The following VPS13B variants were observed in gnomAD, a reference collection of about 807,000 sequenced individuals.
VPS13B encodes the protein vacuolar protein sorting 13 homolog B, also known as intermembrane lipid transfer protein VPS13B.
Under a neutral mutation model 426.4 loss-of-function variants are expected in VPS13B, and 285 were observed. The ratio of observed to expected loss-of-function variants is 0.67; its 90% CI spans 0.61 to 0.74. VPS13B has a LOEUF of 0.74. VPS13B is among the 30% of genes least tolerant of loss of function. VPS13B has a pLI of 0.00. For synonymous variants in VPS13B, 1,676 were observed against 1,676.4 expected, an observed-to-expected ratio of 1.00 and a Z score of 0.01; for missense variants, 4,537 against 4,782.6, an observed-to-expected ratio of 0.95 and a Z score of 1.51.
intron 3 of VPS13B, among the ~76,000 whole-genome samples, chr8:99,083,361 G>A (rs537881416): frequency 1.5e-3 from 232 of 152,262 alleles, no homozygotes; most frequent in African/African-American, 5.2e-3. Context: ...TTTTGGGTGA[G>A]ACGATGGGGT....
In VPS13B at chr8:99,135,032, A is replaced by G; in HGVS notation, c.1320A>G (p.Glu440=). Reference sequence around the variant, plus strand: ...TCTTATAGGCCCTTATGATGGGAGAACCTTTCTTTGATTGCCAGATTGGGT... The same window carrying G: ...TCTTATAGGCCCTTATGATGGGAGAGCCTTTCTTTGATTGCCAGATTGGGT... The part of the protein sequence containing the change: ...GTTVEALMMG[E]PFFDCQIGFV... Residue 440 remains glutamate (E), a synonymous_variant, in exon 10 of 62, where the codon GAA becomes GAG. Coordinates refer to ENST00000357162, the MANE Select transcript of VPS13B (RefSeq NM_152564.5). 1 of 1,613,504 alleles carries G rather than the reference A, an allele frequency of 6.2e-7. No homozygotes were observed.
chr8:99,554,817 C>T (rs1444036838), intron 30 of VPS13B, among the ~76,000 whole-genome samples: 3 of 152,036 alleles, frequency 2.0e-5, no homozygotes, highest in South Asian at 2.1e-4. Flanking sequence ...TCCTTCATAC[C>T]CCCACTGTCA....
intron 3 of VPS13B, among the ~76,000 whole-genome samples, chr8:99,082,553 A>T (rs1332507106): frequency 6.6e-6 from 1 of 152,144 alleles, no homozygotes; most frequent in Non-Finnish European, 1.5e-5. Flanking sequence ...TGTGTCCTGA[A>T]TGGTATTGCC....
chr8:99,106,170 G>A (rs1424439203), intron 5 of VPS13B, among the ~76,000 whole-genome samples: 2 of 151,698 alleles, frequency 1.3e-5, no homozygotes, highest in Non-Finnish European at 2.9e-5. Context: ...GGTGGCTCAC[G>A]CCTGTAATCC....
At chr8:99,811,676 G>A (rs1425942474) in intron 44 of VPS13B, among the ~76,000 whole-genome samples, 2 of 152,146 alleles carry the variant, frequency 1.3e-5, no homozygotes, top group African/African-American at 2.4e-5. Context: ...TAGAGAAATG[G>A]TTTTAATGGT....
intron 40 of VPS13B, among the ~76,000 whole-genome samples, chr8:99,772,157 C>G (rs921035077): frequency 2.0e-5 from 3 of 151,932 alleles, no homozygotes; most frequent in Admixed American, 2.0e-4. Flanking sequence ...TACTTATGAG[C>G]TCTCTATGTC....
chr8:99,259,203 T>C (rs533653378), intron 17 of VPS13B, among the ~76,000 whole-genome samples: 1 of 152,238 alleles, frequency 6.6e-6, no homozygotes, highest in Middle Eastern at 3.4e-3. Flanking sequence ...ATGTGTTTAA[T>C]TTCTTTGCAT....
chr8:99,672,960 T>C (rs1040218317), intron 35 of VPS13B, among the ~76,000 whole-genome samples: 21 of 152,126 alleles, frequency 1.4e-4, no homozygotes, highest in Non-Finnish European at 2.5e-4. Context: ...GATCTGCATA[T>C]GTTGATCATA....
At chr8:99,444,832 T>C (rs550032843) in intron 23 of VPS13B, among the ~76,000 whole-genome samples, 52 of 152,244 alleles carry the variant, frequency 3.4e-4, no homozygotes, top group Non-Finnish European at 5.4e-4. Context: ...CCTGTCTAAT[T>C]TTTTAATTTT....
intron 33 of VPS13B, among the ~76,000 whole-genome samples, chr8:99,611,605 A>G (rs1252996333): frequency 6.6e-6 from 1 of 152,024 alleles, no homozygotes. Flanking sequence ...AATCATTGAC[A>G]TACTTATTTG....
intron 23 of VPS13B, among the ~76,000 whole-genome samples, chr8:99,459,220 T>C (rs1470727383): frequency 6.6e-6 from 1 of 152,240 alleles, no homozygotes; most frequent in Non-Finnish European, 1.5e-5. Flanking sequence ...ATTCTATTAA[T>C]ATATATGCCA....
intron 54 of VPS13B, among the ~76,000 whole-genome samples, chr8:99,836,388 G>A (rs770602821): frequency 5.9e-5 from 9 of 152,076 alleles, no homozygotes; most frequent in Non-Finnish European, 8.8e-5. Context: ...ATTTCAAACA[G>A]AAACTCTGTA....
At chr8:99,642,982 AT>A (rs991329017) in intron 34 of VPS13B, among the ~76,000 whole-genome samples, 3 of 152,204 alleles carry the variant, frequency 2.0e-5, no homozygotes, top group Non-Finnish European at 2.9e-5. Flanking sequence ...TTATTTAAAG[AT>A]TTTTGTACAT....
At chr8:99,462,592 A>T (rs908873940) in intron 23 of VPS13B, among the ~76,000 whole-genome samples, 3 of 152,088 alleles carry the variant, frequency 2.0e-5, no homozygotes, top group African/African-American at 7.2e-5. Context: ...CACATACCTG[A>T]CTTCTTTGTT....
intron 2 of VPS13B, among the ~76,000 whole-genome samples, chr8:99,014,569 A>G (rs1302634629): frequency 2.0e-5 from 3 of 151,606 alleles, no homozygotes; most frequent in Non-Finnish European, 4.4e-5. Flanking sequence ...GTGCTAATTT[A>G]TGTTGTCAAA....
chr8:99,024,787 T>C (rs1277050769), intron 2 of VPS13B, among the ~76,000 whole-genome samples: 2 of 152,228 alleles, frequency 1.3e-5, no homozygotes, highest in African/African-American at 4.8e-5. Flanking sequence ...ATTCAGAGTC[T>C]AGTAGCCAAA....
intron 19 of VPS13B, among the ~76,000 whole-genome samples, chr8:99,313,722 G>T (rs922584747): frequency 2.0e-5 from 3 of 152,194 alleles, no homozygotes; most frequent in African/African-American, 7.2e-5. Flanking sequence ...TAAGTCTGCA[G>T]AGGTTTCTGC....
intron 2 of VPS13B, among the ~76,000 whole-genome samples, chr8:99,015,618 T>C (rs887344622): frequency 1.3e-5 from 2 of 151,668 alleles, no homozygotes; most frequent in African/African-American, 2.4e-5. Flanking sequence ...TTGTAAGTAC[T>C]CCAGGCCGGG....
chr8:99,524,570 ATTGC>A (rs1414390325), intron 30 of VPS13B, among the ~76,000 whole-genome samples: 2 of 152,134 alleles, frequency 1.3e-5, no homozygotes, highest in African/African-American at 4.8e-5. Context: ...ACGTGGGAGG[ATTGC>A]TTGAGCCCGG....
Sources: allele counts gnomAD v4.1 joint callset (sites outside exome capture counted in the v4.1 genomes callset), GRCh38; gene constraint gnomAD v4.1.1; transcripts MANE v1.5; gene names NCBI Gene and HGNC (gene_info 2026-07-23, HGNC 2026-07-21).